Variants in KHDRBS2 observed in about 807,000 individuals in gnomAD.
KHDRBS2 encodes the protein KH domain-containing, RNA-binding, signal transduction-associated protein 2.
A neutral mutation model predicts 44.3 loss-of-function variants in KHDRBS2; 26 were observed. That is an observed-to-expected ratio of 0.59 (90% CI 0.43 to 0.81). The LOEUF (loss-of-function observed/expected upper bound fraction) is 0.81. KHDRBS2 is among the 40% of genes least tolerant of loss of function. The probability of loss-of-function intolerance (pLI) is 0.00; values close to 1 mark genes in which losing one functional copy is unlikely to be tolerated. For missense variants in KHDRBS2, 476 were observed against 433.1 expected (o/e 1.10, Z -0.88); for synonymous variants, 194 against 151.1 (o/e 1.28, Z -2.08).
intron 4 of KHDRBS2, 85 bp from the exon 5 acceptor site, chr6:61,901,456 A>C: frequency 2.4e-5 from 9 of 375,060 alleles, no homozygotes; most frequent in Non-Finnish European, 3.2e-5. Flanking sequence ...ACAAAACAAA[A>C]CGCAATAGGA....
chr6:61,644,101 G>C, the KHDRBS2 span, among the ~76,000 whole-genome samples: 28 of 152,098 alleles, frequency 1.8e-4, no homozygotes, highest in South Asian at 4.4e-3. Context: ...TGGTATGAAA[G>C]CAGACACATA....
At chr6:62,122,493 G>T (rs1249083517) in intron 2 of KHDRBS2, among the ~76,000 whole-genome samples, 1 of 152,134 alleles carries the variant, frequency 6.6e-6, no homozygotes, top group Non-Finnish European at 1.5e-5. Flanking sequence ...GTAAATATGT[G>T]ATTGGGCTCC....
chr6:61,566,562 T>G, the KHDRBS2 span, among the ~76,000 whole-genome samples: 1 of 152,160 alleles, frequency 6.6e-6, no homozygotes, highest in African/African-American at 2.4e-5. Context: ...AATGAATACC[T>G]TCCCAAGGTT....
chr6:62,050,027 C>T (rs1242441647), intron 2 of KHDRBS2, among the ~76,000 whole-genome samples: 4 of 152,024 alleles, frequency 2.6e-5, no homozygotes, highest in South Asian at 4.1e-4. Flanking sequence ...ATAGCAAAGA[C>T]TTGGAACCAA....
chr6:61,808,779 C>T (rs1464198868), intron 6 of KHDRBS2, among the ~76,000 whole-genome samples: 1 of 151,872 alleles, frequency 6.6e-6, no homozygotes, highest in Non-Finnish European at 1.5e-5. Context: ...GTAAAAAATA[C>T]ATCTGTATTG....
At chr6:62,253,146 T>C (rs1181417720) in intron 1 of KHDRBS2, among the ~76,000 whole-genome samples, 3 of 152,030 alleles carry the variant, frequency 2.0e-5, no homozygotes, top group African/African-American at 7.2e-5. Context: ...GTTTAACCTA[T>C]CCCAAATGTC....
chr6:61,605,402 G>A, the KHDRBS2 span, among the ~76,000 whole-genome samples: 69 of 152,180 alleles, frequency 4.5e-4, no homozygotes, highest in South Asian at 2.1e-3. Context: ...TCCCCAAACC[G>A]CCACTCTTAA....
At chr6:62,123,987 T>C (rs368025521) in intron 2 of KHDRBS2, among the ~76,000 whole-genome samples, 35 of 152,342 alleles carry the variant, frequency 2.3e-4, no homozygotes, top group African/African-American at 8.2e-4. Flanking sequence ...CATTGATTTT[T>C]CCCCCCTTAT....
At chr6:62,184,044 G>C (rs1298443721) in intron 1 of KHDRBS2, among the ~76,000 whole-genome samples, 1 of 151,468 alleles carries the variant, frequency 6.6e-6, no homozygotes, top group Admixed American at 6.6e-5. Context: ...AATGCATTTT[G>C]CTTTTTGTAT....
chr6:62,084,490 G>A (rs1798039659), intron 2 of KHDRBS2, among the ~76,000 whole-genome samples: 1 of 152,138 alleles, frequency 6.6e-6, no homozygotes, highest in Non-Finnish European at 1.5e-5. Flanking sequence ...ACCCTGGGGA[G>A]AGACTCTTTC....
the KHDRBS2 span, among the ~76,000 whole-genome samples, chr6:61,560,960 GA>G: frequency 2.0e-5 from 3 of 152,024 alleles, no homozygotes; most frequent in African/African-American, 7.2e-5. Flanking sequence ...TCCTTCTTAG[GA>G]AAGCTTTTCA....
At chr6:62,117,267 G>GT (rs1238517800) in intron 2 of KHDRBS2, among the ~76,000 whole-genome samples, 4 of 151,882 alleles carry the variant, frequency 2.6e-5, no homozygotes, top group African/African-American at 9.7e-5. Flanking sequence ...AGCATATGTT[G>GT]TTTTTTGTCT....
intron 4 of KHDRBS2, among the ~76,000 whole-genome samples, chr6:61,945,485 G>A (rs1813178632): frequency 1.3e-5 from 2 of 151,332 alleles, no homozygotes; most frequent in South Asian, 2.1e-4. Context: ...AGATACAAAC[G>A]GCACAACTTA....
intron 2 of KHDRBS2, among the ~76,000 whole-genome samples, chr6:62,150,081 A>G (rs545450420): frequency 1.2e-3 from 179 of 152,296 alleles, no homozygotes; most frequent in African/African-American, 4.2e-3. Context: ...ATTTTAATTC[A>G]TGGTAAAAGC....
At chr6:61,713,830 TG>T (rs1393050998) in intron 7 of KHDRBS2, among the ~76,000 whole-genome samples, 1 of 151,454 alleles carries the variant, frequency 6.6e-6, no homozygotes, top group African/African-American at 2.4e-5. Context: ...TTAGAAAAAA[TG>T]GATGGCCATA....
chr6:61,769,180 G>C (rs1400246201), intron 6 of KHDRBS2, among the ~76,000 whole-genome samples: 2 of 152,114 alleles, frequency 1.3e-5, no homozygotes, highest in Non-Finnish European at 2.9e-5. Context: ...CACTGGGAGG[G>C]AGGAGCCAAG....
At chr6:62,011,420 A>G (rs1352662441) in intron 3 of KHDRBS2, among the ~76,000 whole-genome samples, 3 of 152,216 alleles carry the variant, frequency 2.0e-5, no homozygotes, top group African/African-American at 4.8e-5. Flanking sequence ...TCACATTACA[A>G]TGAATGAAAT....
At chr6:61,826,939 G>A (rs1279339496) in intron 6 of KHDRBS2, among the ~76,000 whole-genome samples, 1 of 152,096 alleles carries the variant, frequency 6.6e-6, no homozygotes, top group Non-Finnish European at 1.5e-5. Context: ...CAAGGCCTGT[G>A]TTCTTTTCCT....
the KHDRBS2 span, among the ~76,000 whole-genome samples, chr6:61,655,448 T>C: frequency 6.6e-6 from 1 of 152,046 alleles, no homozygotes; most frequent in Non-Finnish European, 1.5e-5. Context: ...AGAGACAGGG[T>C]TTCACCATGT....
Sources: gnomAD v4.1 joint callset for allele counts (sites outside exome capture counted in the v4.1 genomes callset) on GRCh38, gnomAD v4.1.1 for gene constraint, MANE v1.5 for transcripts, NCBI Gene and HGNC (gene_info 2026-07-23, HGNC 2026-07-21) for gene names.